POU6F1: variants seen among roughly 807,000 people sequenced by gnomAD.
POU6F1 encodes the protein POU class 6 homeobox 1, also known as POU domain, class 6, transcription factor 1.
In POU6F1, 9 loss-of-function variants were observed where a neutral mutation model predicts 28.9. The ratio of observed to expected loss-of-function variants is 0.31; its 90% confidence interval spans 0.19 to 0.54. POU6F1 has a LOEUF of 0.54. POU6F1 is among the 20% of genes least tolerant of loss of function. The pLI is 0.94. For missense variants in POU6F1, 338 were observed against 426.1 expected (o/e 0.79, Z 1.82); for synonymous variants, 173 against 171.1 (o/e 1.01, Z -0.09).
rs1944364066 is a variant in POU6F1, at chr12:51,217,713, C to CGGGCCAGGGGGCCGGGGCCGGGGCCG, written c.-145_-120dup. ...CCGATTAGAGATTCATCTCACAGCCCGGGCCAGGGGGCCGGGGCCGGGGCC... is the reference window on the plus strand; with the variant it reads ...CCGATTAGAGATTCATCTCACAGCCCGGGCCAGGGGGCCGGGGCCGGGGCCGGGGCCAGGGGGCCGGGGCCGGGGCC... On this transcript the variant is annotated 5_prime_UTR_variant, in exon 1 of 11. Coordinates refer to ENST00000333640, the MANE Select transcript of POU6F1 (RefSeq NM_001330422.2). The surrounding 1 kb of genome is among the most constrained non-coding windows in gnomAD (Gnocchi z 5.3). The CGGGCCAGGGGGCCGGGGCCGGGGCCG allele has an allele frequency of 6.6e-6, 1 of 151,840 alleles. No homozygotes were observed. The highest frequency in any genetic ancestry group is 2.4e-5 in the African/African-American group (1 of 41,268). 9.4% of individuals were successfully genotyped at this position (151,840 alleles called of 1,614,324 possible). A position where few individuals can be genotyped will look rare whatever the true frequency, so the allele number is the denominator to read the frequency against.
intron 1 of POU6F1, among the ~76,000 whole-genome samples, chr12:51,213,862 G>C (rs1944153422): frequency 6.6e-6 from 1 of 151,848 alleles, no homozygotes; most frequent in East Asian, 2.0e-4. Context: ...TGGTGACTAG[G>C]CCAGGCGCAG....
chr12:51,215,137 G>A (rs1565641241), intron 1 of POU6F1, among the ~76,000 whole-genome samples: 1 of 152,010 alleles, frequency 6.6e-6, no homozygotes. Flanking sequence ...GAAGATACGA[G>A]GTCACGTCAT....
intron 7 of POU6F1, 26 bp downstream of exon 7, chr12:51,196,773 C>T (rs1362425794): frequency 1.9e-6 from 3 of 1,613,374 alleles, no homozygotes; most frequent in Non-Finnish European, 2.5e-6. Context: ...AGTCCCCACC[C>T]TCCAGCCCTG....
At position 51,189,396 on chromosome 12, in the gene POU6F1, C is replaced by A. The variant is rs1465326120; in HGVS notation, c.*851G>T. The A allele has an allele frequency of 1.3e-5, 2 of 152,170 alleles. No individual in the cohort carries two copies. Among genetic ancestry groups the A allele is most frequent in the East Asian group, 3.8e-4 (2 of 5,200 alleles). The allele number at this position is 152,170 out of a possible 1,614,324, so 9.4% of individuals were successfully genotyped here. On this transcript the variant is annotated 3_prime_UTR_variant, in exon 11 of 11. Transcript: ENST00000333640. ...ATATCCAGTCTGCAAGTTCTCTTAA[C>A]CCACGTTTTTTTGTGGGAGGGATGG... is the stretch of plus-strand genomic sequence containing the variant.
rs556174195 is a variant in POU6F1, at chr12:51,205,108, G to A, written c.49-740C>T. Among the ~76,000 whole-genome samples the A allele has an allele frequency of 4.2e-5, 6 of 143,930 alleles. No individual in the cohort carries two copies. The East Asian group carries it at 8.2e-4, about 20-fold the overall frequency. 94.4% of individuals were successfully genotyped at this position (143,930 alleles called of 152,430 possible). On this transcript the variant is annotated intron_variant, in intron 2 of 10. Coordinates refer to ENST00000333640, the MANE Select transcript of POU6F1 (RefSeq NM_001330422.2). ...GGCTGGAATGCAGTGGCGCAATCTCGGCTCACTGCCAGCTCCACCCCCCCG... is the reference window on the plus strand; with the variant it reads ...GGCTGGAATGCAGTGGCGCAATCTCAGCTCACTGCCAGCTCCACCCCCCCG...
At chr12:51,205,908 T>A (rs1232321792) in intron 2 of POU6F1, among the ~76,000 whole-genome samples, 4 of 145,002 alleles carry the variant, frequency 2.8e-5, no homozygotes, top group African/African-American at 1.0e-4. Context: ...AAGCTCCACC[T>A]CCTGGGCTCA....
rs1472872957 is a variant in POU6F1 at position 51,190,979 on chromosome 12, T to G, written c.1491-387A>C. Among the ~76,000 whole-genome samples, 1 of 152,134 alleles carries G rather than the reference T, an allele frequency of 6.6e-6. No individual in the cohort carries two copies. The highest frequency in any genetic ancestry group is 1.9e-4 in the East Asian group (1 of 5,194). On this transcript the variant is annotated intron_variant, in intron 10 of 10. Transcript: ENST00000333640. This position sits in a 1 kb window ranked among gnomAD's most constrained non-coding sequence, Gnocchi z 4.5. Reference sequence around the variant, plus strand: ...CAGCATCACTAACAAGTCAGGCTGCTCTTTCTGGCTGAGCTGGATGTGGTG... The same window carrying G: ...CAGCATCACTAACAAGTCAGGCTGCGCTTTCTGGCTGAGCTGGATGTGGTG...
rs1283385148 is a variant in POU6F1, at chr12:51,217,439, G to T, written c.-48+203C>A. On this transcript the variant is annotated intron_variant, in intron 1 of 10. Transcript: ENST00000333640. This position sits in a 1 kb window ranked among gnomAD's most constrained non-coding sequence, Gnocchi z 5.3. ...GGTGTCTAGCCCCAGCTGGGCAACC[G>T]CGCGCTGTCCCGCTCCCGCAGCTCC... Among the ~76,000 whole-genome samples, 1 of 151,994 alleles carries T rather than the reference G, an allele frequency of 6.6e-6. No homozygotes were observed. Among genetic ancestry groups the T allele is most frequent in the Non-Finnish European group, 1.5e-5 (1 of 67,958 alleles).
In POU6F1 at chr12:51,217,065, C is replaced by G. The variant is rs1944325589; in HGVS notation, c.-48+577G>C. 6.6e-6 allele frequency among the ~76,000 whole-genome samples: 1 copy of G among 152,172 alleles called. No individual in the cohort carries two copies. The highest frequency in any genetic ancestry group is 6.5e-5 in the Admixed American group (1 of 15,290). On this transcript the variant is annotated intron_variant, in intron 1 of 10. Transcript: ENST00000333640. This position sits in a 1 kb window ranked among gnomAD's most constrained non-coding sequence, Gnocchi z 5.3. ...CATGCTCTGCTAGAAGGTGGCCCTC[C>G]CATCACTGACCCACCCTTCCAGCAA...
At chr12:51,193,314 G>T (rs145018372) in intron 8 of POU6F1, among the ~76,000 whole-genome samples, 1 of 152,146 alleles carries the variant, frequency 6.6e-6, no homozygotes, top group Non-Finnish European at 1.5e-5. Flanking sequence ...GTGGTCGGGC[G>T]CGGTGGCTCA....
At position 51,190,083 on chromosome 12, in the gene POU6F1, G is replaced by T; in HGVS notation, c.*164C>A. On this transcript the variant is annotated 3_prime_UTR_variant, in exon 11 of 11. Coordinates refer to ENST00000333640, the MANE Select transcript of POU6F1 (RefSeq NM_001330422.2). The surrounding 1 kb of genome is among the most constrained non-coding windows in gnomAD (Gnocchi z 4.5). ...GCCTCCCCATGATGTGAGATGTGTG[G>T]GAGAAAAGAGGGACATTGATGCACA... 1 of 1,278,298 alleles carries T rather than the reference G, an allele frequency of 7.8e-7. No individual in the cohort carries two copies. Among genetic ancestry groups the T allele is most frequent in the Non-Finnish European group, 1.0e-6 (1 of 954,156 alleles). 79.2% of individuals were successfully genotyped at this position (1,278,298 alleles called of 1,614,324 possible).
Position 51,197,977 on chromosome 12 carries a change from G to A in POU6F1, c.639C>T (p.Ala213=), listed in dbSNP as rs889021563. ...NTALPAPVQA[A]APVQASSTAQ... is the part of the protein sequence containing the mutation. ...CCGTCGAGGAGGCCTGTACTGGTGC[G>A]GCAGCTTGTACCGGTGCCGGAAGAG... Residue 213 remains alanine (A), a synonymous_variant, in exon 6 of 11, where the codon GCC becomes GCT. Transcript: ENST00000333640. The A allele has an allele frequency of 2.7e-5, 11 of 400,180 alleles. 1 individual carries two copies. The highest frequency in any genetic ancestry group is 6.2e-4 in the Middle Eastern group (1 of 1,616). The allele number at this position is 400,180 out of a possible 1,614,324, so 24.8% of individuals were successfully genotyped here.
Position 51,198,768 on chromosome 12 carries a change from G to A in POU6F1, c.374C>T (p.Thr125Ile), listed in dbSNP as rs1212207532. The change falls in exon 5 of 11, where the codon ACT becomes ATT. Residue 125 changes from threonine (T) to isoleucine (I), a missense_variant. This residue lies in a region of POU6F1 where 206 missense variants were observed against 225.6 expected (regional missense o/e 0.91). Coordinates refer to ENST00000333640, the MANE Select transcript of POU6F1 (RefSeq NM_001330422.2). ...LAVQAAPQVLTQENLATVLTG... is the reference protein window; with the variant it reads ...LAVQAAPQVLIQENLATVLTG... ...CAGAACTGTGGCTAAGTTTTCCTGA[G>A]TCAAGACCTGCAAAAGCAAACAAGA... is the stretch of plus-strand genomic sequence containing the variant. 2.5e-5 allele frequency: 10 copies of A among 399,084 alleles called. No individual in the cohort carries two copies. The highest frequency in any genetic ancestry group is 4.0e-5 in the Non-Finnish European group (9 of 226,156). 24.7% of individuals were successfully genotyped at this position (399,084 alleles called of 1,614,324 possible).
At position 51,190,108 on chromosome 12, in the gene POU6F1, A is replaced by G. The variant is rs1330137355; in HGVS notation, c.*139T>C. 7 of 1,379,806 alleles carry G rather than the reference A, an allele frequency of 5.1e-6. No individual in the cohort carries two copies. The highest frequency in any genetic ancestry group is 6.7e-6 in the Non-Finnish European group (7 of 1,041,194). The allele number at this position is 1,379,806 out of a possible 1,614,324, so 85.5% of individuals were successfully genotyped here. ...GGAGAAAAGAGGGACATTGATGCAC[A>G]TGCACACGGTGGAGTCTGATGACCT... On this transcript the variant is annotated 3_prime_UTR_variant, in exon 11 of 11. Coordinates refer to ENST00000333640, the MANE Select transcript of POU6F1 (RefSeq NM_001330422.2). This position sits in a 1 kb window ranked among gnomAD's most constrained non-coding sequence, Gnocchi z 4.5.
At chr12:51,204,841 C>T (rs1395955041) in intron 2 of POU6F1, among the ~76,000 whole-genome samples, 1 of 152,054 alleles carries the variant, frequency 6.6e-6, no homozygotes, top group African/African-American at 2.4e-5. Flanking sequence ...TCTGAAAGTT[C>T]CCCAAAGATA....
intron 8 of POU6F1, among the ~76,000 whole-genome samples, chr12:51,194,914 C>G (rs1407625273): frequency 3.9e-5 from 6 of 152,158 alleles, no homozygotes; most frequent in Non-Finnish European, 8.8e-5. Context: ...ATTTGCGAAC[C>G]ACTGGCCATA....
Position 51,211,399 on chromosome 12 carries a change from T to A in POU6F1, c.-47-4516A>T, listed in dbSNP as rs567878033. ...GATCAGGGCTGGCAAGGCACTCTGG[T>A]TGGCTAGCAAATGGCTCACTTATCC... On this transcript the variant is annotated intron_variant, in intron 1 of 10. Coordinates refer to ENST00000333640, the MANE Select transcript of POU6F1 (RefSeq NM_001330422.2). Among the ~76,000 whole-genome samples the A allele has an allele frequency of 2.2e-4, 34 of 152,308 alleles. No homozygotes were observed. In the East Asian group the frequency reaches 6.4e-3, roughly 28 times the overall value.
At chr12:51,200,621 T>C (rs1355502669) in intron 3 of POU6F1, among the ~76,000 whole-genome samples, 1 of 152,150 alleles carries the variant, frequency 6.6e-6, no homozygotes, top group African/African-American at 2.4e-5. Flanking sequence ...ATTTAATATA[T>C]GGTTAGTTAA....
intron 2 of POU6F1, among the ~76,000 whole-genome samples, chr12:51,205,476 C>T (rs534004115): frequency 6.6e-6 from 1 of 152,354 alleles, no homozygotes; most frequent in African/African-American, 2.4e-5. Context: ...CTCAGTCTCC[C>T]TCCCCTGCCC....
Sources: allele counts gnomAD v4.1 joint callset (sites outside exome capture counted in the v4.1 genomes callset), GRCh38; gene constraint gnomAD v4.1.1; regional missense constraint gnomAD v4.1.1; non-coding constraint Gnocchi (gnomAD v3.1); transcripts MANE v1.5; gene names NCBI Gene and HGNC (gene_info 2026-07-23, HGNC 2026-07-21).